Variants in PTPRD observed in about 807,000 individuals in gnomAD.
The protein encoded by PTPRD is protein tyrosine phosphatase receptor type D, also known as receptor-type tyrosine-protein phosphatase delta.
PTPRD carries 34 observed loss-of-function variants against 214.5 expected under a neutral mutation model. That is an observed-to-expected ratio of 0.16 (90% CI 0.12 to 0.21). The LOEUF (loss-of-function observed/expected upper bound fraction) is 0.21. Among genes scored for constraint, PTPRD ranks in the 10% least tolerant of loss-of-function variants. The pLI is 1.00. For missense variants in PTPRD, 2,545 were observed against 2,398.7 expected (o/e 1.06, Z -1.27); for synonymous variants, 1,128 against 845.7 (o/e 1.33, Z -5.79).
chr9:10,354,015 A>C (rs1164915050), intron 2 of PTPRD, among the ~76,000 whole-genome samples: 1 of 152,154 alleles, frequency 6.6e-6, no homozygotes, highest in Non-Finnish European at 1.5e-5. Context: ...CCATGCACTC[A>C]AAACCTAGTT....
intron 12 of PTPRD, among the ~76,000 whole-genome samples, chr9:8,644,332 T>C (rs145363664): frequency 3.9e-5 from 6 of 152,194 alleles, no homozygotes; most frequent in African/African-American, 1.4e-4. Context: ...ATGCCCACTA[T>C]GGGTCTCCTC....
intron 4 of PTPRD, among the ~76,000 whole-genome samples, chr9:10,032,224 T>A (rs535453727): frequency 3.3e-5 from 5 of 152,206 alleles, no homozygotes; most frequent in Admixed American, 3.3e-4. Context: ...GGTTTCTTAC[T>A]ATAGCCATTT....
intron 3 of PTPRD, among the ~76,000 whole-genome samples, chr9:10,048,625 GA>G: frequency 6.6e-6 from 1 of 151,832 alleles, no homozygotes; most frequent in East Asian, 1.9e-4. Context: ...ACTGCTGGGG[GA>G]AAAAAATCTT....
chr9:8,893,698 T>C (rs1041253498), intron 11 of PTPRD, among the ~76,000 whole-genome samples: 6 of 152,148 alleles, frequency 3.9e-5, no homozygotes, highest in African/African-American at 1.4e-4. Flanking sequence ...ACAAGGAAGA[T>C]ATAACCTAAG....
chr9:9,082,286 C>T (rs181036270), intron 10 of PTPRD, among the ~76,000 whole-genome samples: 258 of 152,178 alleles, frequency 1.7e-3, no homozygotes, highest in African/African-American at 5.8e-3. Context: ...ATCCCTGGGA[C>T]ACAAGGGTGG....
At chr9:9,509,806 A>T (rs895766663) in intron 8 of PTPRD, among the ~76,000 whole-genome samples, 2 of 150,870 alleles carry the variant, frequency 1.3e-5, no homozygotes, top group Admixed American at 6.6e-5. Context: ...TTTTATTTAA[A>T]AAAAAAACAT....
intron 12 of PTPRD, among the ~76,000 whole-genome samples, chr9:8,648,038 C>G (rs1444277767): frequency 6.6e-6 from 1 of 152,200 alleles, no homozygotes; most frequent in African/African-American, 2.4e-5. Flanking sequence ...GAACAGCATG[C>G]AATCCCAGCT....
chr9:9,499,674 T>C (rs7855661), intron 8 of PTPRD, among the ~76,000 whole-genome samples: 105,063 of 151,756 alleles, frequency 0.69, 36,578 homozygotes, highest in South Asian at 0.83. Flanking sequence ...AAACAGCCTG[T>C]TTCTTCTCAC....
chr9:8,934,024 T>G (rs138001340), intron 11 of PTPRD, among the ~76,000 whole-genome samples: 14 of 152,076 alleles, frequency 9.2e-5, no homozygotes, highest in Admixed American at 3.3e-4. Flanking sequence ...TTCAGATGCT[T>G]AAGGAAGGTA....
intron 5 of PTPRD, among the ~76,000 whole-genome samples, chr9:9,799,055 T>C (rs2099021919): frequency 6.6e-6 from 1 of 152,218 alleles, no homozygotes; most frequent in Non-Finnish European, 1.5e-5. Flanking sequence ...ATTACGGGAA[T>C]GACTGCAGAA....
intron 7 of PTPRD, among the ~76,000 whole-genome samples, chr9:9,601,255 C>T (rs1474350300): frequency 4.6e-5 from 7 of 151,194 alleles, no homozygotes. Context: ...TAAAAATTTT[C>T]TTTTTGCATG....
In PTPRD at chr9:9,356,935, A is replaced by G. The variant is rs377754946; in HGVS notation, c.-203+40514T>C. 1.8e-4 allele frequency among the ~76,000 whole-genome samples: 28 copies of G among 151,516 alleles called. 1 individual carries two copies. The highest frequency in any genetic ancestry group is 7.8e-4 in the East Asian group (4 of 5,132). On this transcript the variant is annotated intron_variant, in intron 9 of 45. Coordinates refer to ENST00000381196, the MANE Select transcript of PTPRD (RefSeq NM_002839.4). The stretch of plus-strand genomic sequence containing the variant: ...AGCAGAATTATAGTTAACAAACAGA[A>G]AATTAGAGGGAAATACATCTGTAAA...
intron 30 of PTPRD, among the ~76,000 whole-genome samples, chr9:8,474,388 C>G (rs570727743): frequency 6.6e-6 from 1 of 152,204 alleles, no homozygotes; most frequent in African/African-American, 2.4e-5. Flanking sequence ...GTCGGGCCCA[C>G]GTACCACTGA....
intron 5 of PTPRD, among the ~76,000 whole-genome samples, chr9:9,847,392 G>A (rs767202276): frequency 2.6e-5 from 4 of 151,982 alleles, no homozygotes; most frequent in Admixed American, 2.6e-4. Context: ...CAAATATTTT[G>A]ATACTTCAGG....
intron 12 of PTPRD, among the ~76,000 whole-genome samples, chr9:8,714,835 T>A (rs1174076961): frequency 2.0e-5 from 3 of 152,202 alleles, no homozygotes; most frequent in Non-Finnish European, 4.4e-5. Flanking sequence ...AGGTCACCTT[T>A]GAACACATAA....
chr9:9,183,839 C>G (rs1017712765), intron 9 of PTPRD, among the ~76,000 whole-genome samples: 5 of 151,976 alleles, frequency 3.3e-5, no homozygotes, highest in Non-Finnish European at 7.4e-5. Flanking sequence ...CTTGTCTATC[C>G]TACTCGTTCT....
chr9:10,085,911 T>C (rs1380627394), intron 3 of PTPRD, among the ~76,000 whole-genome samples: 1 of 151,844 alleles, frequency 6.6e-6, no homozygotes, highest in Non-Finnish European at 1.5e-5. Flanking sequence ...TCTATGAAAG[T>C]CTCTGATCCA....
chr9:9,995,252 T>C (rs1357453119), intron 4 of PTPRD, among the ~76,000 whole-genome samples: 1 of 152,134 alleles, frequency 6.6e-6, no homozygotes, highest in Admixed American at 6.5e-5. Flanking sequence ...TTAGGTAAAA[T>C]AGGGCTTTTA....
At chr9:9,093,132 T>C (rs1435832164) in intron 10 of PTPRD, among the ~76,000 whole-genome samples, 3 of 151,982 alleles carry the variant, frequency 2.0e-5, no homozygotes, top group Non-Finnish European at 4.4e-5. Context: ...CTAGAACACA[T>C]AACAATCTTA....
Sources: allele counts gnomAD v4.1 joint callset (sites outside exome capture counted in the v4.1 genomes callset), GRCh38; gene constraint gnomAD v4.1.1; transcripts MANE v1.5; gene names NCBI Gene and HGNC (gene_info 2026-07-23, HGNC 2026-07-21).